PPP1R14C: variants seen among roughly 807,000 people sequenced by gnomAD.
PPP1R14C encodes protein phosphatase 1 regulatory subunit 14C.
Under a neutral mutation model 20.4 loss-of-function variants are expected in PPP1R14C, and 16 were observed. The ratio of observed to expected loss-of-function variants is 0.78; its 90% CI spans 0.53 to 1.19. The LOEUF is 1.19. Among genes scored for constraint, PPP1R14C ranks in the 50% most tolerant of loss-of-function variants. The pLI, the probability that PPP1R14C is intolerant of heterozygous loss-of-function variation, is 0.00. For missense variants in PPP1R14C, 211 were observed against 220.1 expected, an observed-to-expected ratio of 0.96 and a Z score of 0.26; for synonymous variants, 91 against 91.0, an observed-to-expected ratio of 1.00 and a Z score of 0.00.
At chr6:150,204,819 A>G (rs1777923894) in intron 1 of PPP1R14C, among the ~76,000 whole-genome samples, 1 of 152,164 alleles carries the variant, frequency 6.6e-6, no homozygotes, top group Non-Finnish European at 1.5e-5. Flanking sequence ...CTCTGTGCTG[A>G]GAAGCAGGGC....
In PPP1R14C at chr6:150,200,118, T is replaced by C. The variant is rs576076396; in HGVS notation, c.307-14626T>C. Among the ~76,000 whole-genome samples the C allele has an allele frequency of 2.0e-5, 3 of 149,644 alleles. No individual in the cohort carries two copies. The East Asian group carries it at 5.9e-4, about 29-fold the overall frequency. ...TAATCTTGAAGAACACCTTACATTTTTGGTAGCATTATTGAAACCAGTTGA... is the reference window on the plus strand; with the variant it reads ...TAATCTTGAAGAACACCTTACATTTCTGGTAGCATTATTGAAACCAGTTGA... On this transcript the variant is annotated intron_variant, in intron 1 of 3. Coordinates refer to ENST00000361131, the MANE Select transcript of PPP1R14C (RefSeq NM_030949.3).
rs1339309079 is a variant in PPP1R14C at position 150,201,235 on chromosome 6, C to G, written c.307-13509C>G. On this transcript the variant is annotated intron_variant, in intron 1 of 3. Transcript: ENST00000361131. The surrounding 1 kb of genome is among the most constrained non-coding windows in gnomAD (Gnocchi z 4.2). ...GTCAGGCGCTATCCCAGGCACTGCT[C>G]TTGGTCCTCCAGTATGGGGAGGCAG... Among the ~76,000 whole-genome samples the G allele has an allele frequency of 2.0e-5, 3 of 152,234 alleles. No homozygotes were observed. The highest frequency in any genetic ancestry group is 7.2e-5 in the African/African-American group (3 of 41,450).
chr6:150,151,064 C>T (rs1777241214), intron 1 of PPP1R14C, among the ~76,000 whole-genome samples: 1 of 151,596 alleles, frequency 6.6e-6, no homozygotes, highest in Non-Finnish European at 1.5e-5. Flanking sequence ...TTTTCCTTCA[C>T]TCCTGCGTGC....
intron 1 of PPP1R14C, among the ~76,000 whole-genome samples, chr6:150,160,467 G>A (rs936372962): frequency 9.3e-5 from 14 of 150,362 alleles, no homozygotes; most frequent in Non-Finnish European, 2.1e-4. Context: ...TAGAGATGGG[G>A]TTTCACCGTG....
intron 1 of PPP1R14C, among the ~76,000 whole-genome samples, chr6:150,187,412 A>G (rs983475782): frequency 6.6e-6 from 1 of 152,020 alleles, no homozygotes; most frequent in South Asian, 2.1e-4. Flanking sequence ...TATTAAGATG[A>G]GCACCCATTA....
intron 1 of PPP1R14C, among the ~76,000 whole-genome samples, chr6:150,199,880 A>AC (rs1777855519): frequency 6.6e-6 from 1 of 151,540 alleles, no homozygotes; most frequent in African/African-American, 2.4e-5. Context: ...AAAAAAAAAA[A>AC]AAATCTGTTC....
chr6:150,151,921 C>T (rs953021929), intron 1 of PPP1R14C, among the ~76,000 whole-genome samples: 1 of 151,836 alleles, frequency 6.6e-6, no homozygotes, highest in Non-Finnish European at 1.5e-5. Context: ...GAGATCGAGA[C>T]CATCCCGGCT....
rs1158910534 is a variant in PPP1R14C, at chr6:150,249,225, C to T, written c.*405C>T. On this transcript the variant is annotated 3_prime_UTR_variant, in exon 4 of 4. Coordinates refer to ENST00000361131, the MANE Select transcript of PPP1R14C (RefSeq NM_030949.3). Reference sequence around the variant, plus strand: ...TTTTTCTTAAGTTGTACATTTGACTCAGCTGTCAAATTTCTCACACTTGTA... The same window carrying T: ...TTTTTCTTAAGTTGTACATTTGACTTAGCTGTCAAATTTCTCACACTTGTA... The T allele has an allele frequency of 5.0e-6, 2 of 399,404 alleles. No homozygotes were observed. The highest frequency in any genetic ancestry group is 8.8e-6 in the Non-Finnish European group (2 of 226,888). 24.7% of individuals were successfully genotyped at this position (399,404 alleles called of 1,614,324 possible). A position where few individuals can be genotyped will look rare whatever the true frequency, so the allele number is the denominator to read the frequency against.
chr6:150,248,837 A>C lies in PPP1R14C; in HGVS notation c.*17A>C. On this transcript the variant is annotated 3_prime_UTR_variant, in exon 4 of 4. Coordinates refer to ENST00000361131, the MANE Select transcript of PPP1R14C (RefSeq NM_030949.3). ...AGTGTATGATTCTGGAACAGGGTGA[A>C]ACTCTCCCAGAGACGAAGAAAGAGT... 6.4e-7 allele frequency: 1 copy of C among 1,574,636 alleles called. No homozygotes were observed. The highest frequency in any genetic ancestry group is 8.7e-7 in the Non-Finnish European group (1 of 1,145,364).
chr6:150,240,514 G>A (rs1407819888), intron 3 of PPP1R14C, among the ~76,000 whole-genome samples: 1 of 152,194 alleles, frequency 6.6e-6, no homozygotes, highest in Non-Finnish European at 1.5e-5. Flanking sequence ...TGTAAATGAA[G>A]TAGTGGCCTG....
chr6:150,212,913 C>T (rs1013632174), intron 1 of PPP1R14C, among the ~76,000 whole-genome samples: 1 of 152,152 alleles, frequency 6.6e-6, no homozygotes, highest in Non-Finnish European at 1.5e-5. Context: ...TGTGTAAGTT[C>T]ACTCTGTGAT....
intron 1 of PPP1R14C, among the ~76,000 whole-genome samples, chr6:150,156,833 G>A (rs907700141): frequency 6.6e-6 from 1 of 152,190 alleles, no homozygotes; most frequent in Non-Finnish European, 1.5e-5. Context: ...TTCTTCATGC[G>A]AGATGGTTCA....
intron 3 of PPP1R14C, among the ~76,000 whole-genome samples, chr6:150,242,806 T>C (rs931053004): frequency 3.9e-5 from 6 of 152,134 alleles, no homozygotes; most frequent in East Asian, 1.9e-4. Context: ...TTCAATAGAA[T>C]CTACAAAAAA....
intron 1 of PPP1R14C, among the ~76,000 whole-genome samples, chr6:150,166,424 C>G (rs1160979584): frequency 6.6e-6 from 1 of 152,256 alleles, no homozygotes; most frequent in African/African-American, 2.4e-5. Flanking sequence ...AACAAAAGAG[C>G]CCTAGAGGCT....
intron 1 of PPP1R14C, among the ~76,000 whole-genome samples, chr6:150,158,393 T>G (rs1777328073): frequency 1.3e-5 from 2 of 152,144 alleles, no homozygotes; most frequent in Non-Finnish European, 2.9e-5. Flanking sequence ...TATAGAATAA[T>G]TTAATCAACA....
chr6:150,246,333 C>T (rs1054344227), intron 3 of PPP1R14C, among the ~76,000 whole-genome samples: 2 of 151,748 alleles, frequency 1.3e-5, no homozygotes, highest in Non-Finnish European at 2.9e-5. Context: ...CATTCAAATA[C>T]TGAAACTTTT....
chr6:150,176,948 C>A (rs1777569530), intron 1 of PPP1R14C, among the ~76,000 whole-genome samples: 1 of 152,196 alleles, frequency 6.6e-6, no homozygotes, highest in African/African-American at 2.4e-5. Flanking sequence ...GTCCCACCCT[C>A]CAGTGATCCG....
intron 1 of PPP1R14C, among the ~76,000 whole-genome samples, chr6:150,204,595 G>A (rs1562268789): frequency 2.0e-5 from 3 of 152,206 alleles, no homozygotes; most frequent in East Asian, 1.9e-4. Context: ...CACAACGTGC[G>A]TGGGCATGAT....
chr6:150,151,020 CTGTTTTTTTTGT>C (rs894271258), intron 1 of PPP1R14C, among the ~76,000 whole-genome samples: 2 of 151,680 alleles, frequency 1.3e-5, no homozygotes, highest in African/African-American at 4.9e-5. Flanking sequence ...CCCTGGCTCT[CTGTTTTTTTTGT>C]TGTTTGTTTT....
Sources: allele counts gnomAD v4.1 joint callset (sites outside exome capture counted in the v4.1 genomes callset), GRCh38; gene constraint gnomAD v4.1.1; non-coding constraint Gnocchi (gnomAD v3.1); transcripts MANE v1.5; gene names NCBI Gene and HGNC (gene_info 2026-07-23, HGNC 2026-07-21).